Variants in KCTD8 observed in about 807,000 individuals in gnomAD.
The protein encoded by KCTD8 is potassium channel tetramerization domain containing 8.
In KCTD8, 27 loss-of-function variants were observed where a neutral mutation model predicts 31.5. The ratio of observed to expected loss-of-function variants is 0.86; its 90% CI spans 0.63 to 1.18. The LOEUF (loss-of-function observed/expected upper bound fraction) is 1.18, where lower values mean the gene tolerates loss of function less well. KCTD8 is among the 50% of genes most tolerant of loss of function. The probability of loss-of-function intolerance (pLI) is 0.00; values close to 1 mark genes in which losing one functional copy is unlikely to be tolerated. For synonymous variants in KCTD8, 290 were observed against 280.0 expected (o/e 1.04, Z -0.36); for missense variants, 658 against 647.7 (o/e 1.02, Z -0.17).
chr4:44,320,330 G>A (rs1268277353), intron 1 of KCTD8, among the ~76,000 whole-genome samples: 1 of 152,000 alleles, frequency 6.6e-6, no homozygotes, highest in Non-Finnish European at 1.5e-5. Flanking sequence ...CCCCTCATTT[G>A]AGAACTCTCA....
At chr4:44,313,124 T>A (rs1445671931) in intron 1 of KCTD8, among the ~76,000 whole-genome samples, 5 of 152,146 alleles carry the variant, frequency 3.3e-5, no homozygotes, top group Non-Finnish European at 7.4e-5. Context: ...GAAGGAAGCA[T>A]GTATTCTGAA....
chr4:44,346,972 A>G (rs1719052427), intron 1 of KCTD8, among the ~76,000 whole-genome samples: 1 of 152,186 alleles, frequency 6.6e-6, no homozygotes, highest in Non-Finnish European at 1.5e-5. Context: ...AGTCCAGTGT[A>G]TCAAAGCATT....
At chr4:44,346,008 G>C (rs996298255) in intron 1 of KCTD8, among the ~76,000 whole-genome samples, 6 of 152,066 alleles carry the variant, frequency 3.9e-5, no homozygotes, top group African/African-American at 1.4e-4. Flanking sequence ...TTTCAATCTA[G>C]TTAAAGCGTT....
chr4:44,219,022 C>A (rs1318080506), intron 1 of KCTD8, among the ~76,000 whole-genome samples: 1 of 152,090 alleles, frequency 6.6e-6, no homozygotes, highest in East Asian at 1.9e-4. Flanking sequence ...TATCCTCCAC[C>A]ACCTCTCCAT....
At chr4:44,235,548 TATATATATATATATATATATATATATA>T (rs1715255587) in intron 1 of KCTD8, among the ~76,000 whole-genome samples, 6 of 79,458 alleles carry the variant, frequency 7.6e-5, no homozygotes, top group African/African-American at 3.6e-4. Context: ...TATATATATA[TATATATATATATATATATATATATATA>T]TTTAGAGAGA....
chr4:44,235,695 CTTATT>C (rs977619617), intron 1 of KCTD8, among the ~76,000 whole-genome samples: 22 of 150,770 alleles, frequency 1.5e-4, no homozygotes, highest in Admixed American at 6.0e-4. Context: ...TCATGACCAA[CTTATT>C]TTAAGTAGTA....
intron 1 of KCTD8, among the ~76,000 whole-genome samples, chr4:44,412,096 G>T (rs1720975037): frequency 2.0e-5 from 3 of 152,168 alleles, no homozygotes; most frequent in South Asian, 2.1e-4. Flanking sequence ...GTAATAACTG[G>T]GCAGGGTAAA....
At chr4:44,321,027 TGTCCCTTGTAATGCTCATGGG>T (rs1329801658) in intron 1 of KCTD8, among the ~76,000 whole-genome samples, 1 of 152,196 alleles carries the variant, frequency 6.6e-6, no homozygotes. Flanking sequence ...GCCGAGAATC[TGTCCCTTGTAATGCTCATGGG>T]CTAAGAGCCA....
intron 1 of KCTD8, among the ~76,000 whole-genome samples, chr4:44,371,749 T>A (rs190511619): frequency 1.2e-4 from 19 of 152,332 alleles, no homozygotes; most frequent in Admixed American, 1.2e-3. Flanking sequence ...AGTATCTACA[T>A]TGTAAAATAG....
chr4:44,442,774 T>TACACACGTATATACAC (rs10938342), intron 1 of KCTD8, among the ~76,000 whole-genome samples: 1 of 147,342 alleles, frequency 6.8e-6, no homozygotes, highest in Admixed American at 6.8e-5. Context: ...AACTAAGGTA[T>TACACACGTATATACAC]ACACACACAC....
At chr4:44,177,333 A>T (rs1171891605) in intron 1 of KCTD8, among the ~76,000 whole-genome samples, 1 of 152,034 alleles carries the variant, frequency 6.6e-6, no homozygotes, top group African/African-American at 2.4e-5. Context: ...ACCTAGAGGC[A>T]CAGCCCTATC....
At chr4:44,317,937 G>A (rs938143885) in intron 1 of KCTD8, among the ~76,000 whole-genome samples, 4 of 152,176 alleles carry the variant, frequency 2.6e-5, no homozygotes, top group African/African-American at 9.7e-5. Flanking sequence ...GGTTTACAAT[G>A]GAACAGGAAT....
intron 1 of KCTD8, among the ~76,000 whole-genome samples, chr4:44,301,495 T>G (rs1371395689): frequency 2.0e-5 from 3 of 152,360 alleles, no homozygotes; most frequent in South Asian, 2.1e-4. Context: ...TCATATGTCT[T>G]TTGGCTGCAT....
intron 1 of KCTD8, among the ~76,000 whole-genome samples, chr4:44,215,800 G>C (rs150532450): frequency 4.3e-4 from 66 of 152,262 alleles, no homozygotes; most frequent in African/African-American, 1.3e-3. Flanking sequence ...TAGTTCTCCT[G>C]AAAGAAAGAG....
intron 1 of KCTD8, among the ~76,000 whole-genome samples, chr4:44,374,319 C>T (rs1310425155): frequency 3.3e-5 from 5 of 152,140 alleles, no homozygotes; most frequent in African/African-American, 1.2e-4. Context: ...GTTTGCTTGC[C>T]ATTCTCTCGG....
At chr4:44,207,833 A>G (rs1027897329) in intron 1 of KCTD8, among the ~76,000 whole-genome samples, 32 of 152,226 alleles carry the variant, frequency 2.1e-4, no homozygotes, top group African/African-American at 7.5e-4. Context: ...GAAGCCTAAG[A>G]TAATGCTGGA....
intron 1 of KCTD8, among the ~76,000 whole-genome samples, chr4:44,378,577 AC>A (rs1423095852): frequency 3.9e-5 from 6 of 152,152 alleles, no homozygotes; most frequent in African/African-American, 1.4e-4. Flanking sequence ...GAAATGTGGT[AC>A]ATGTTACTGC....
At chr4:44,294,785 C>T (rs1717381952) in intron 1 of KCTD8, among the ~76,000 whole-genome samples, 1 of 152,026 alleles carries the variant, frequency 6.6e-6, no homozygotes, top group African/African-American at 2.4e-5. Context: ...TTATGCAGAG[C>T]CCAGTATACA....
At chr4:44,212,862 C>T (rs189227006) in intron 1 of KCTD8, among the ~76,000 whole-genome samples, 2 of 152,198 alleles carry the variant, frequency 1.3e-5, no homozygotes, top group Admixed American at 1.3e-4. Flanking sequence ...GGTTTACCAA[C>T]ATCTCATCTT....
Sources: gnomAD v4.1 joint callset for allele counts (sites outside exome capture counted in the v4.1 genomes callset) on GRCh38, gnomAD v4.1.1 for gene constraint, MANE v1.5 for transcripts, NCBI Gene and HGNC (gene_info 2026-07-23, HGNC 2026-07-21) for gene names.